Variants in SPAG16 observed in about 807,000 individuals in gnomAD.
SPAG16 encodes the protein sperm associated antigen 16, also known as sperm-associated antigen 16 protein.
A neutral mutation model predicts 80.4 loss-of-function variants in SPAG16; 86 were observed. The ratio of observed to expected loss-of-function variants is 1.07; its 90% CI spans 0.90 to 1.28. SPAG16 has a LOEUF of 1.28. Ranked by LOEUF, SPAG16 falls within the 50% of genes most tolerant of loss-of-function variation. The pLI, the probability that SPAG16 is intolerant of heterozygous loss-of-function variation, is 0.00. For synonymous variants in SPAG16, 294 were observed against 265.9 expected, an observed-to-expected ratio of 1.11 and a Z score of -1.03; for missense variants, 870 against 765.3, an observed-to-expected ratio of 1.14 and a Z score of -1.61.
At chr2:213,505,814 T>C (rs2074945266) in intron 10 of SPAG16, among the ~76,000 whole-genome samples, 1 of 152,112 alleles carries the variant, frequency 6.6e-6, no homozygotes, top group South Asian at 2.1e-4. Flanking sequence ...CCAGTCAGGA[T>C]CATATAAAGA....
intron 5 of SPAG16, among the ~76,000 whole-genome samples, chr2:213,330,153 G>T (rs1439275636): frequency 6.6e-6 from 1 of 152,172 alleles, no homozygotes; most frequent in Non-Finnish European, 1.5e-5. Flanking sequence ...TGGGGTGGGA[G>T]CCCCCACACA....
rs957323345 is a variant in SPAG16, at chr2:213,456,058, T to C, written c.943-33905T>C. 3.9e-5 allele frequency among the ~76,000 whole-genome samples: 6 copies of C among 152,204 alleles called. No individual in the cohort carries two copies. The East Asian group carries it at 9.6e-4, about 24-fold the overall frequency. ...TGCCTGCCTTTCGCCACACCTTGCC[T>C]CTCATGTTTTCTGGCTCTCAGCAGT... On this transcript the variant is annotated intron_variant, in intron 9 of 15. Transcript: ENST00000331683.
intron 9 of SPAG16, among the ~76,000 whole-genome samples, chr2:213,445,029 C>G (rs2071209565): frequency 6.6e-6 from 1 of 152,122 alleles, no homozygotes; most frequent in African/African-American, 2.4e-5. Flanking sequence ...GCTGGGAAAA[C>G]TGAATATCCA....
intron 10 of SPAG16, among the ~76,000 whole-genome samples, chr2:213,736,375 A>G (rs1309133697): frequency 6.6e-6 from 1 of 151,228 alleles, no homozygotes; most frequent in African/African-American, 2.4e-5. Flanking sequence ...CTCACTGTAA[A>G]CTTCACCTTC....
intron 13 of SPAG16, among the ~76,000 whole-genome samples, chr2:214,082,144 C>A (rs1357036812): frequency 1.3e-5 from 2 of 152,138 alleles, no homozygotes; most frequent in Non-Finnish European, 2.9e-5. Flanking sequence ...CCATGTCCTG[C>A]AGCTGGATCG....
At chr2:214,281,605 G>A (rs1301069655) in intron 15 of SPAG16, among the ~76,000 whole-genome samples, 1 of 152,138 alleles carries the variant, frequency 6.6e-6, no homozygotes, top group Non-Finnish European at 1.5e-5. Context: ...ATGTAAAATG[G>A]CATGACTCCT....
chr2:213,342,272 A>G (rs2064724739), intron 6 of SPAG16, among the ~76,000 whole-genome samples: 2 of 149,402 alleles, frequency 1.3e-5, no homozygotes, highest in African/African-American at 4.9e-5. Flanking sequence ...GTGTATATAT[A>G]TTACATACAT....
intron 12 of SPAG16, among the ~76,000 whole-genome samples, chr2:213,977,270 A>G (rs1464999545): frequency 6.6e-6 from 1 of 152,038 alleles, no homozygotes; most frequent in Non-Finnish European, 1.5e-5. Flanking sequence ...CCAAAATCTC[A>G]TCCCATTTTA....
At chr2:213,654,874 A>T (rs1448600354) in intron 10 of SPAG16, among the ~76,000 whole-genome samples, 1 of 152,238 alleles carries the variant, frequency 6.6e-6, no homozygotes, top group African/African-American at 2.4e-5. Context: ...TAATTTAAAA[A>T]TTTTAGCAGT....
At chr2:214,048,354 C>T (rs771892733) in intron 13 of SPAG16, among the ~76,000 whole-genome samples, 11 of 152,188 alleles carry the variant, frequency 7.2e-5, no homozygotes, top group Non-Finnish European at 1.6e-4. Flanking sequence ...GGTACATTTA[C>T]AGAATGGAAT....
At position 213,306,450 on chromosome 2, in the gene SPAG16, C is replaced by T. The variant is rs536987141; in HGVS notation, c.280-3609C>T. On this transcript the variant is annotated intron_variant, in intron 3 of 15. Transcript: ENST00000331683. ...TGGCACAAGCACTCACTTGGCTGCC[C>T]TGGCTGGTATCTCACTAAGTCATGT... Among the ~76,000 whole-genome samples the T allele has an allele frequency of 4.2e-4, 5 of 11,834 alleles. No individual in the cohort carries two copies. The Admixed American group carries it at 4.4e-3, about 10-fold the overall frequency. 7.8% of individuals were successfully genotyped at this position (11,834 alleles called of 152,430 possible).
intron 9 of SPAG16, among the ~76,000 whole-genome samples, chr2:213,453,880 A>C (rs1163676860): frequency 1.3e-5 from 2 of 152,224 alleles, no homozygotes; most frequent in Non-Finnish European, 2.9e-5. Context: ...GTGTCCAAAA[A>C]CATTGCAGAG....
intron 15 of SPAG16, among the ~76,000 whole-genome samples, chr2:214,299,647 A>G (rs1425243439): frequency 6.6e-6 from 1 of 152,208 alleles, no homozygotes; most frequent in African/African-American, 2.4e-5. Context: ...ATCTTTTTAT[A>G]CATGGCCTGA....
At chr2:213,608,088 G>GT (rs1371885360) in intron 10 of SPAG16, among the ~76,000 whole-genome samples, 1 of 152,124 alleles carries the variant, frequency 6.6e-6, no homozygotes, top group South Asian at 2.1e-4. Context: ...TTCTGGTTTT[G>GT]TTTTTTCTGA....
At chr2:214,049,496 A>G (rs1221607542) in intron 13 of SPAG16, among the ~76,000 whole-genome samples, 1 of 152,158 alleles carries the variant, frequency 6.6e-6, no homozygotes, top group Non-Finnish European at 1.5e-5. Context: ...TTCTAGTTAC[A>G]TATATTTCAT....
chr2:214,088,814 T>C (rs566447838), intron 13 of SPAG16, among the ~76,000 whole-genome samples: 2 of 152,100 alleles, frequency 1.3e-5, no homozygotes, highest in Admixed American at 1.3e-4. Context: ...CAATACTGTT[T>C]AAACTATTCC....
intron 13 of SPAG16, among the ~76,000 whole-genome samples, chr2:214,027,795 A>G: frequency 6.6e-6 from 1 of 151,922 alleles, no homozygotes; most frequent in East Asian, 1.9e-4. Context: ...ACATTATTTG[A>G]CACAGGATTT....
chr2:213,500,195 T>C (rs1274314569), intron 10 of SPAG16, among the ~76,000 whole-genome samples: 2 of 152,146 alleles, frequency 1.3e-5, no homozygotes, highest in Admixed American at 1.3e-4. Flanking sequence ...CAGTAACAAA[T>C]ATAAATTTAG....
intron 15 of SPAG16, among the ~76,000 whole-genome samples, chr2:214,310,594 A>G (rs762830339): frequency 3.3e-5 from 5 of 152,180 alleles, no homozygotes; most frequent in Admixed American, 1.3e-4. Context: ...AATGAAGCTC[A>G]TGGAGGGAGT....
Sources: allele counts gnomAD v4.1 joint callset (sites outside exome capture counted in the v4.1 genomes callset), GRCh38; gene constraint gnomAD v4.1.1; transcripts MANE v1.5; gene names NCBI Gene and HGNC (gene_info 2026-07-23, HGNC 2026-07-21).